RTN1: variants seen among roughly 807,000 people sequenced by gnomAD.
RTN1 encodes reticulon-1.
RTN1 carries 25 observed loss-of-function variants against 65.5 expected under a neutral mutation model. That is an observed-to-expected ratio of 0.38 (90% CI 0.28 to 0.53). The LOEUF (loss-of-function observed/expected upper bound fraction) is 0.53. Among genes scored for constraint, RTN1 ranks in the 20% least tolerant of loss-of-function variants. RTN1 has a pLI of 0.79. For missense variants in RTN1, 983 were observed against 1,025.4 expected (o/e 0.96, Z 0.57); for synonymous variants, 471 against 447.6 (o/e 1.05, Z -0.66).
At chr14:59,715,207 AG>A (rs1884509137) in intron 3 of RTN1, among the ~76,000 whole-genome samples, 1 of 152,242 alleles carries the variant, frequency 6.6e-6, no homozygotes, top group Non-Finnish European at 1.5e-5. Context: ...CTCATCCCAG[AG>A]GCAAATCAGT....
At chr14:59,606,897 T>G (rs1490490575) in intron 4 of RTN1, among the ~76,000 whole-genome samples, 1 of 152,216 alleles carries the variant, frequency 6.6e-6, no homozygotes, top group Non-Finnish European at 1.5e-5. Context: ...AGTCCTGGTT[T>G]CGTGCTATTT....
intron 8 of RTN1, 67 bp from the exon 9 acceptor site, chr14:59,596,854 T>C: frequency 8.0e-7 from 1 of 1,253,148 alleles, no homozygotes; most frequent in Non-Finnish European, 1.2e-6. Context: ...TATGTGTTGT[T>C]GCTTTAATTA....
intron 1 of RTN1, among the ~76,000 whole-genome samples, chr14:59,854,078 T>C (rs12896852): frequency 0.033 from 5,046 of 152,032 alleles, 132 homozygotes; most frequent in Non-Finnish European, 0.05. Flanking sequence ...TTGGCTGGTC[T>C]TGAACTCCTG....
rs1295586608 is a variant in RTN1 at position 59,774,844 on chromosome 14, G to A, written c.242-28363C>T. ...TCACTCTTCTGAACAATTTCTTGATGATTAAAGTACCGTCTTTTTCTCATT... is the reference window on the plus strand; with the variant it reads ...TCACTCTTCTGAACAATTTCTTGATAATTAAAGTACCGTCTTTTTCTCATT... On this transcript the variant is annotated intron_variant, in intron 1 of 8. Coordinates refer to ENST00000267484, the MANE Select transcript of RTN1 (RefSeq NM_021136.3). The surrounding 1 kb of genome is among the most constrained non-coding windows in gnomAD (Gnocchi z 5.1). Among the ~76,000 whole-genome samples, 1 of 152,138 alleles carries A rather than the reference G, an allele frequency of 6.6e-6. No individual in the cohort carries two copies. The highest frequency in any genetic ancestry group is 2.4e-5 in the African/African-American group (1 of 41,428).
At chr14:59,858,462 T>C (rs938752526) in intron 1 of RTN1, among the ~76,000 whole-genome samples, 1 of 150,678 alleles carries the variant, frequency 6.6e-6, no homozygotes, top group Admixed American at 6.7e-5. Context: ...TTTTCTGTTG[T>C]TCAAGAGTAG....
intron 2 of RTN1, among the ~76,000 whole-genome samples, chr14:59,728,076 T>A (rs1020559090): frequency 6.6e-6 from 1 of 152,190 alleles, no homozygotes; most frequent in Non-Finnish European, 1.5e-5. Context: ...TCAGATAATC[T>A]GATGTATACA....
chr14:59,727,140 C>A lies in RTN1; in HGVS notation c.1544G>T (p.Gly515Val). 1 of 1,602,982 alleles carries A rather than the reference C, an allele frequency of 6.2e-7. No individual in the cohort carries two copies. Among genetic ancestry groups the A allele is most frequent in the Non-Finnish European group, 8.5e-7 (1 of 1,174,900 alleles). The change falls in exon 3 of 9, where the codon GGC becomes GTC. Residue 515 changes from glycine to valine, a missense_variant. Gly to Val is a moderately radical substitution (Grantham distance 109). Transcript: ENST00000267484. This position sits in a 1 kb window ranked among gnomAD's most constrained non-coding sequence, Gnocchi z 4.2. ...GAGGAAGGAACCCGGCTCGGCCAGGCCCCGCCGGCTTGGCGCACGCTCCTC... is the reference window on the plus strand; with the variant it reads ...GAGGAAGGAACCCGGCTCGGCCAGGACCCGCCGGCTTGGCGCACGCTCCTC... ...RAEERAPSRR[G>V]LAEPGSFLDY...
chr14:59,688,416 C>T (rs954306175), intron 3 of RTN1, among the ~76,000 whole-genome samples: 5 of 152,188 alleles, frequency 3.3e-5, no homozygotes, highest in African/African-American at 9.7e-5. Context: ...CGCTGGTGCT[C>T]GTGCATGCCA....
At position 59,744,811 on chromosome 14, in the gene RTN1, A is replaced by G. The variant is rs1327493584; in HGVS notation, c.1015+897T>C. 1.1e-4 allele frequency among the ~76,000 whole-genome samples: 16 copies of G among 152,152 alleles called. 1 individual carries two copies. The highest frequency in any genetic ancestry group is 2.4e-4 in the Non-Finnish European group (16 of 68,044). ...ACAGGAATGTTAAATGCCCCGGCCA[A>G]GGTGCTTCAGGCAGTCTACAGAGAA... On this transcript the variant is annotated intron_variant, in intron 2 of 8. Transcript: ENST00000267484.
intron 1 of RTN1, among the ~76,000 whole-genome samples, chr14:59,851,090 C>G (rs1887496965): frequency 6.6e-6 from 1 of 152,108 alleles, no homozygotes; most frequent in South Asian, 2.1e-4. Flanking sequence ...ACCTATGTAC[C>G]AACTTTCCCT....
intron 3 of RTN1, among the ~76,000 whole-genome samples, chr14:59,704,523 GC>G (rs1269493461): frequency 1.3e-5 from 2 of 152,116 alleles, no homozygotes; most frequent in Non-Finnish European, 2.9e-5. Flanking sequence ...AGCTTCAAAG[GC>G]CCAGAGTCAC....
chr14:59,639,047 A>G (rs148177686), intron 3 of RTN1, among the ~76,000 whole-genome samples: 1,570 of 152,202 alleles, frequency 0.01, 10 homozygotes, highest in Middle Eastern at 0.02. Flanking sequence ...CTTAGAAGCC[A>G]CTGTAGGGTT....
rs372147333 is a variant in RTN1, at chr14:59,661,320, G to T, written c.1766-53828C>A. Among the ~76,000 whole-genome samples, 50 of 149,914 alleles carry T rather than the reference G, an allele frequency of 3.3e-4. No homozygotes were observed. In the East Asian group the frequency reaches 4.9e-3, roughly 15 times the overall value. On this transcript the variant is annotated intron_variant, in intron 3 of 8. Transcript: ENST00000267484. ...GATTCACAGCCGAATTCTATTCGAG[G>T]TATAAAGAGGAGCTGGTACCATTCC...
intron 3 of RTN1, among the ~76,000 whole-genome samples, chr14:59,641,203 G>A (rs989027405): frequency 6.6e-6 from 1 of 152,042 alleles, no homozygotes; most frequent in Non-Finnish European, 1.5e-5. Context: ...CCTGGGTTTG[G>A]GACATCCACC....
At chr14:59,793,303 G>A (rs1408100224) in intron 1 of RTN1, among the ~76,000 whole-genome samples, 1 of 152,146 alleles carries the variant, frequency 6.6e-6, no homozygotes, top group Non-Finnish European at 1.5e-5. Flanking sequence ...CGGGACAGAA[G>A]CAGAGTTCTA....
chr14:59,613,590 G>A (rs896285168), intron 3 of RTN1, among the ~76,000 whole-genome samples: 2 of 152,108 alleles, frequency 1.3e-5, no homozygotes, highest in East Asian at 1.9e-4. Context: ...GAGCCACCGC[G>A]CCCGGCCTAT....
chr14:59,761,441 C>T (rs1357617925), intron 1 of RTN1, among the ~76,000 whole-genome samples: 1 of 152,194 alleles, frequency 6.6e-6, no homozygotes, highest in African/African-American at 2.4e-5. Flanking sequence ...TAAGATGTGA[C>T]TTTGCTCCTC....
chr14:59,770,456 G>T (rs188137783), intron 1 of RTN1, among the ~76,000 whole-genome samples: 1 of 146,268 alleles, frequency 6.8e-6, no homozygotes, highest in Non-Finnish European at 1.5e-5. Flanking sequence ...ATTTTGTTTA[G>T]AAATTTGGAC....
At chr14:59,852,688 T>C (rs2139665150) in intron 1 of RTN1, among the ~76,000 whole-genome samples, 1 of 152,324 alleles carries the variant, frequency 6.6e-6, no homozygotes, top group Admixed American at 6.5e-5. Flanking sequence ...GAATCCAATA[T>C]GGAATCTCCA....
Sources: gnomAD v4.1 joint callset for allele counts (sites outside exome capture counted in the v4.1 genomes callset) on GRCh38, gnomAD v4.1.1 for gene constraint, Gnocchi (gnomAD v3.1) non-coding constraint, MANE v1.5 for transcripts, NCBI Gene and HGNC (gene_info 2026-07-23, HGNC 2026-07-21) for gene names.